The following FBXL7 variants were observed in gnomAD, a reference collection of about 807,000 sequenced individuals.
FBXL7 encodes F-box and leucine rich repeat protein 7, also known as F-box/LRR-repeat protein 7.
Under a neutral mutation model 38.3 loss-of-function variants are expected in FBXL7, and 12 were observed. The ratio of observed to expected loss-of-function variants is 0.31; its 90% CI spans 0.20 to 0.51. The LOEUF (loss-of-function observed/expected upper bound fraction) is 0.51, where lower values mean the gene tolerates loss of function less well. FBXL7 is among the 20% of genes least tolerant of loss of function. The pLI is 0.98. For synonymous variants in FBXL7, 297 were observed against 300.9 expected, an observed-to-expected ratio of 0.99 and a Z score of 0.13; for missense variants, 567 against 676.4, an observed-to-expected ratio of 0.84 and a Z score of 1.79.
intron 2 of FBXL7, among the ~76,000 whole-genome samples, chr5:15,758,908 A>G (rs1377787973): frequency 1.7e-5 from 2 of 115,272 alleles, no homozygotes; most frequent in African/African-American, 5.6e-5. Flanking sequence ...TTTAGTGTCC[A>G]TTGATTTAGA....
At chr5:15,905,810 T>C (rs1478898189) in intron 2 of FBXL7, among the ~76,000 whole-genome samples, 1 of 152,026 alleles carries the variant, frequency 6.6e-6, no homozygotes, top group East Asian at 1.9e-4. Context: ...AAGGCAGGAA[T>C]GGAGAGGATA....
intron 2 of FBXL7, among the ~76,000 whole-genome samples, chr5:15,851,198 G>A: frequency 6.6e-6 from 1 of 152,136 alleles, no homozygotes; most frequent in East Asian, 1.9e-4. Flanking sequence ...GCATCAGCTT[G>A]TCTATTTGGA....
intron 2 of FBXL7, among the ~76,000 whole-genome samples, chr5:15,757,223 A>G (rs539580501): frequency 6.7e-4 from 102 of 152,276 alleles, no homozygotes; most frequent in African/African-American, 2.3e-3. Flanking sequence ...TTTTCTTTAA[A>G]GGCAAGGTTT....
intron 2 of FBXL7, among the ~76,000 whole-genome samples, chr5:15,799,666 C>A (rs1435655385): frequency 6.6e-6 from 1 of 152,100 alleles, no homozygotes; most frequent in Non-Finnish European, 1.5e-5. Flanking sequence ...CCTGCCAAAC[C>A]TCTTTCTAAA....
intron 2 of FBXL7, among the ~76,000 whole-genome samples, chr5:15,790,478 A>G (rs1737245616): frequency 1.3e-5 from 2 of 152,180 alleles, no homozygotes; most frequent in South Asian, 4.1e-4. Flanking sequence ...CCTGCTAAGT[A>G]AATGTGAGCC....
intron 2 of FBXL7, among the ~76,000 whole-genome samples, chr5:15,714,300 T>C (rs2126645432): frequency 6.6e-6 from 1 of 152,298 alleles, no homozygotes; most frequent in East Asian, 1.9e-4. Flanking sequence ...TCTTCCTCCT[T>C]CTCTGGCCAT....
chr5:15,678,149 A>G (rs1163101574), intron 2 of FBXL7, among the ~76,000 whole-genome samples: 2 of 152,192 alleles, frequency 1.3e-5, no homozygotes, highest in Non-Finnish European at 2.9e-5. Context: ...TACAACCTTC[A>G]TACTGCCAAG....
At chr5:15,656,938 A>G (rs902076587) in intron 2 of FBXL7, among the ~76,000 whole-genome samples, 32 of 152,174 alleles carry the variant, frequency 2.1e-4, no homozygotes, top group Non-Finnish European at 7.3e-5. Flanking sequence ...AAGTTGGCTA[A>G]ATTGATACAA....
At chr5:15,560,406 C>T (rs1561027788) in intron 1 of FBXL7, among the ~76,000 whole-genome samples, 1 of 152,108 alleles carries the variant, frequency 6.6e-6, no homozygotes, top group Non-Finnish European at 1.5e-5. Context: ...AAACCAGTTC[C>T]CTCAACCACT....
intron 2 of FBXL7, among the ~76,000 whole-genome samples, chr5:15,889,796 C>G (rs147673335): frequency 6.6e-6 from 1 of 152,270 alleles, no homozygotes; most frequent in East Asian, 1.9e-4. Context: ...ACATTTCTGT[C>G]TCCAGAGTCC....
At chr5:15,803,848 G>A (rs1324897703) in intron 2 of FBXL7, among the ~76,000 whole-genome samples, 1 of 152,196 alleles carries the variant, frequency 6.6e-6, no homozygotes, top group African/African-American at 2.4e-5. Flanking sequence ...CACTCCGGTA[G>A]ATGTGTAGGG....
chr5:15,853,033 A>G (rs534348471), intron 2 of FBXL7, among the ~76,000 whole-genome samples: 2 of 152,300 alleles, frequency 1.3e-5, no homozygotes, highest in South Asian at 2.1e-4. Flanking sequence ...CCTCTTCTCT[A>G]TGAGGCAGAT....
intron 2 of FBXL7, among the ~76,000 whole-genome samples, chr5:15,662,844 G>A (rs1325992782): frequency 6.6e-6 from 1 of 152,126 alleles, no homozygotes; most frequent in African/African-American, 2.4e-5. Flanking sequence ...TCTCTATGCT[G>A]TTCCATTGGT....
At chr5:15,891,588 G>A (rs1740904623) in intron 2 of FBXL7, among the ~76,000 whole-genome samples, 1 of 152,182 alleles carries the variant, frequency 6.6e-6, no homozygotes. Flanking sequence ...AAATATAAAT[G>A]AGTATATTAT....
intron 2 of FBXL7, among the ~76,000 whole-genome samples, chr5:15,770,489 T>TA (rs1236009157): frequency 2.6e-5 from 4 of 152,158 alleles, no homozygotes; most frequent in African/African-American, 7.2e-5. Context: ...GCAGCCAACT[T>TA]ACGACCGTGA....
rs575646839 is a variant in FBXL7 at position 15,793,033 on chromosome 5, G to A, written c.128-134857G>A. The stretch of plus-strand genomic sequence containing the variant: ...AAGCCAGCCAACCTTCAACCTTCCT[G>A]CGTGTGCAAGCTGCATGCCTCTGGG... On this transcript the variant is annotated intron_variant, in intron 2 of 3. Coordinates refer to ENST00000504595, the MANE Select transcript of FBXL7 (RefSeq NM_012304.5). Among the ~76,000 whole-genome samples, 90 of 152,284 alleles carry A rather than the reference G, an allele frequency of 5.9e-4. No individual in the cohort carries two copies. In the South Asian group the frequency reaches 0.017, roughly 29 times the overall value.
chr5:15,933,456 A>C (rs1308256270), intron 3 of FBXL7, among the ~76,000 whole-genome samples: 1 of 152,230 alleles, frequency 6.6e-6, no homozygotes, highest in Non-Finnish European at 1.5e-5. Flanking sequence ...TATAGGCGTC[A>C]CAGATGGCCA....
chr5:15,651,305 C>G (rs1741702188), intron 2 of FBXL7, among the ~76,000 whole-genome samples: 1 of 151,990 alleles, frequency 6.6e-6, no homozygotes, highest in Non-Finnish European at 1.5e-5. Flanking sequence ...ACCATGTTAG[C>G]CAGGATAGTC....
intron 1 of FBXL7, among the ~76,000 whole-genome samples, chr5:15,569,296 G>A (rs1316124526): frequency 6.6e-6 from 1 of 150,804 alleles, no homozygotes; most frequent in Non-Finnish European, 1.5e-5. Flanking sequence ...TCCTTGAAGA[G>A]GTCCTTCACA....
Sources: gnomAD v4.1 joint callset for allele counts (sites outside exome capture counted in the v4.1 genomes callset) on GRCh38, gnomAD v4.1.1 for gene constraint, MANE v1.5 for transcripts, NCBI Gene and HGNC (gene_info 2026-07-23, HGNC 2026-07-21) for gene names.